Variants in EFNA1 observed in about 807,000 individuals in gnomAD.
EFNA1 encodes ephrin-A1.
In EFNA1, 8 loss-of-function variants were observed where a neutral mutation model predicts 23.2. The ratio of observed to expected loss-of-function variants is 0.34; its 90% CI spans 0.20 to 0.62. EFNA1 has a LOEUF of 0.62. EFNA1 is among the 20% of genes least tolerant of loss of function. The pLI is 0.75. For synonymous variants in EFNA1, 89 were observed against 98.6 expected (o/e 0.90, Z 0.58); for missense variants, 217 against 260.0 (o/e 0.83, Z 1.14).
chr1:155,127,947 G>C lies in EFNA1; in HGVS notation c.-31G>C, dbSNP rs1664135304. 2.5e-6 allele frequency: 4 copies of C among 1,590,440 alleles called. No individual in the cohort carries two copies. Among genetic ancestry groups the C allele is most frequent in the Non-Finnish European group, 3.4e-6 (4 of 1,162,930 alleles). On this transcript the variant is annotated 5_prime_UTR_variant, in exon 1 of 5. Transcript: ENST00000368407. The surrounding 1 kb of genome is among the most constrained non-coding windows in gnomAD (Gnocchi z 4.4). ...GAACCCAGACCCATAGGAGACCCGC[G>C]TCCCCGCTCGGCCTGGCCAGGCCCC... is the stretch of plus-strand genomic sequence containing the variant.
At chr1:155,133,874 T>C (rs1054674144) in intron 4 of EFNA1, 81 bp from the exon 5 acceptor site, 6 of 1,604,854 alleles carry the variant, frequency 3.7e-6, no homozygotes, top group Non-Finnish European at 4.3e-6. Flanking sequence ...AGGCTGAGGC[T>C]GAGGGAATCC....
intron 2 of EFNA1, among the ~76,000 whole-genome samples, chr1:155,132,188 G>A (rs540348341): frequency 6.6e-6 from 1 of 152,228 alleles, no homozygotes; most frequent in African/African-American, 2.4e-5. Flanking sequence ...AAGGTGATAA[G>A]GAGTTTGGAC....
chr1:155,130,996 G>C, intron 1 of EFNA1: 1 of 985,354 alleles, frequency 1.0e-6, no homozygotes, highest in Non-Finnish European at 1.2e-6. Flanking sequence ...AAATATTTAT[G>C]GGTAGAAGAG....
intron 1 of EFNA1, chr1:155,131,001 G>GAA: frequency 1.0e-6 from 1 of 985,382 alleles, no homozygotes. Context: ...TTTATGGGTA[G>GAA]AAGAGAATGA....
chr1:155,134,857 A>G lies in EFNA1; in HGVS notation c.*790A>G, dbSNP rs1557788141. On this transcript the variant is annotated 3_prime_UTR_variant, in exon 5 of 5. Coordinates refer to ENST00000368407, the MANE Select transcript of EFNA1 (RefSeq NM_004428.3). ...AAAATAAAGCAATGTGTTTTTTCGG[A>G]CATGCTTTTCTGCCACTCCATATTA... 1 of 153,032 alleles carries G rather than the reference A, an allele frequency of 6.5e-6. No homozygotes were observed. The highest frequency in any genetic ancestry group is 1.5e-5 in the Non-Finnish European group (1 of 68,608). 9.5% of individuals were successfully genotyped at this position (153,032 alleles called of 1,614,324 possible). A position where few individuals can be genotyped will look rare whatever the true frequency, so the allele number is the denominator to read the frequency against.
chr1:155,131,657 T>C (rs757823786), intron 2 of EFNA1, 23 bp downstream of exon 2: 4 of 1,596,714 alleles, frequency 2.5e-6, no homozygotes, highest in Admixed American at 1.7e-5. Context: ...GAGGGGACAG[T>C]GTCTGTGTTT....
chr1:155,133,474 T>A (rs1664284949), intron 2 of EFNA1, 29 bp from the exon 3 acceptor site: 1 of 1,613,888 alleles, frequency 6.2e-7, no homozygotes, highest in African/African-American at 1.3e-5. Flanking sequence ...AAAGGTTTCT[T>A]ATTTAACCCC....
chr1:155,128,130 A>G lies in EFNA1; in HGVS notation c.92+61A>G, dbSNP rs566156927. 9 of 1,485,400 alleles carry G rather than the reference A, an allele frequency of 6.1e-6. No individual in the cohort carries two copies. In the East Asian group the frequency reaches 1.8e-4, roughly 30 times the overall value. The allele number at this position is 1,485,400 out of a possible 1,614,324, so 92.0% of individuals were successfully genotyped here. ...CCGGCTGGCACTACCCCACCGGGATAACTGTCCCGGCCAAACCCTGAGCTG... is the reference window on the plus strand; with the variant it reads ...CCGGCTGGCACTACCCCACCGGGATGACTGTCCCGGCCAAACCCTGAGCTG... On this transcript the variant is annotated intron_variant, in intron 1 of 4. Coordinates refer to ENST00000368407, the MANE Select transcript of EFNA1 (RefSeq NM_004428.3).
intron 2 of EFNA1, 46 bp downstream of exon 2, chr1:155,131,680 T>C (rs1664242769): frequency 1.3e-6 from 2 of 1,581,806 alleles, no homozygotes; most frequent in African/African-American, 2.7e-5. Context: ...TTTTTGCCAT[T>C]ACATACATGC....
intron 1 of EFNA1, 197 bp from the exon 2 acceptor site, chr1:155,131,142 T>C: frequency 7.4e-7 from 1 of 1,359,240 alleles, no homozygotes; most frequent in Non-Finnish European, 9.6e-7. Flanking sequence ...GAGACAGTGA[T>C]GGTGCAGGGG....
At chr1:155,131,699 A>G in intron 2 of EFNA1, 65 bp downstream of exon 2, 3 of 1,551,452 alleles carry the variant, frequency 1.9e-6, no homozygotes, top group East Asian at 2.3e-5. Context: ...GCTTGGGTAC[A>G]TGCTTGGTGT....
At chr1:155,128,932 G>A (rs574227420) in intron 1 of EFNA1, among the ~76,000 whole-genome samples, 22 of 152,268 alleles carry the variant, frequency 1.4e-4, no homozygotes, top group African/African-American at 5.3e-4. Flanking sequence ...GGAGGAGCAG[G>A]GAGAGAAGTG....
In EFNA1 at chr1:155,133,543, G is replaced by A; in HGVS notation, c.429G>A (p.Leu143=). Residue 143 remains leucine (L), a synonymous_variant, in exon 3 of 5, where the codon TTG becomes TTA. Transcript: ENST00000368407. ...AGCATGAAGACCGCTGCTTGAGGTT[G>A]AAGGTGACTGTCAGTGGCAAAATCA... ...IHQHEDRCLR[L]KVTVSGKITH... is the part of the protein sequence containing the mutation. 1 of 1,614,030 alleles carries A rather than the reference G, an allele frequency of 6.2e-7. No homozygotes were observed. The highest frequency in any genetic ancestry group is 8.5e-7 in the Non-Finnish European group (1 of 1,180,018).
intron 1 of EFNA1, chr1:155,130,749 G>C: frequency 1.0e-6 from 1 of 985,354 alleles, no homozygotes; most frequent in Non-Finnish European, 1.2e-6. Flanking sequence ...GTGGGCCCGG[G>C]TATACTAGCT....
Position 155,134,269 on chromosome 1 carries a change from T to C in EFNA1, c.*202T>C. On this transcript the variant is annotated 3_prime_UTR_variant, in exon 5 of 5. Coordinates refer to ENST00000368407, the MANE Select transcript of EFNA1 (RefSeq NM_004428.3). ...GAGGCCAACCAGCCCGACAGTGCCATCCCCACCTTCACCTCGGAGGGATGG... is the reference window on the plus strand; with the variant it reads ...GAGGCCAACCAGCCCGACAGTGCCACCCCCACCTTCACCTCGGAGGGATGG... 1 of 595,950 alleles carries C rather than the reference T, an allele frequency of 1.7e-6. No individual in the cohort carries two copies. The highest frequency in any genetic ancestry group is 3.0e-6 in the Non-Finnish European group (1 of 333,514). The allele number at this position is 595,950 out of a possible 1,614,324, so 36.9% of individuals were successfully genotyped here. A position where few individuals can be genotyped will look rare whatever the true frequency, so the allele number is the denominator to read the frequency against.
chr1:155,133,926 C>T (rs777557894), intron 4 of EFNA1, 29 bp from the exon 5 acceptor site: 1 of 1,609,708 alleles, frequency 6.2e-7, no homozygotes, highest in Non-Finnish European at 8.5e-7. Flanking sequence ...GCCACTCACA[C>T]TGGTGGCCTT....
intron 1 of EFNA1, chr1:155,130,928 G>C: frequency 2.0e-6 from 2 of 985,372 alleles, no homozygotes; most frequent in Non-Finnish European, 2.4e-6. Context: ...ACCTGTGGGG[G>C]TCTCAGATTG....
At chr1:155,128,364 C>T (rs912981469) in intron 1 of EFNA1, among the ~76,000 whole-genome samples, 1 of 152,074 alleles carries the variant, frequency 6.6e-6, no homozygotes, top group Non-Finnish European at 1.5e-5. Context: ...GCATAGACTT[C>T]GCCCCTGGCA....
intron 1 of EFNA1, 120 bp downstream of exon 1, chr1:155,128,189 C>A: frequency 1.2e-6 from 1 of 856,942 alleles, no homozygotes; most frequent in Non-Finnish European, 1.8e-6. Flanking sequence ...AGGAGGGCGG[C>A]TGTAGATTTT....
Sources: allele counts gnomAD v4.1 joint callset (sites outside exome capture counted in the v4.1 genomes callset), GRCh38; gene constraint gnomAD v4.1.1; non-coding constraint Gnocchi (gnomAD v3.1); transcripts MANE v1.5; gene names NCBI Gene and HGNC (gene_info 2026-07-23, HGNC 2026-07-21).